Variants in DEPDC5 observed in about 807,000 individuals in gnomAD.
DEPDC5 encodes GATOR1 complex protein DEPDC5.
Under a neutral mutation model 217.3 loss-of-function variants are expected in DEPDC5, and 73 were observed. The observed-to-expected ratio is 0.34, with a 90% confidence interval of 0.28 to 0.41. The LOEUF is 0.41. Ranked by LOEUF, DEPDC5 falls within the 10% of genes least tolerant of loss-of-function variation. DEPDC5 has a pLI of 1.00. For missense variants in DEPDC5, 1,675 were observed against 2,070.1 expected (o/e 0.81, Z 3.70); for synonymous variants, 733 against 756.7 (o/e 0.97, Z 0.51).
chr22:31,842,381 G>A (rs977902621), intron 27 of DEPDC5, among the ~76,000 whole-genome samples: 2 of 152,122 alleles, frequency 1.3e-5, no homozygotes, highest in African/African-American at 4.8e-5. Context: ...TTCAAGACCA[G>A]CCTGACCAAC....
chr22:31,876,265 G>A lies in DEPDC5; in HGVS notation c.3805G>A (p.Val1269Met). ...AGTAACGGACAAAGAGCCCGACCGA[G>A]GTTAGAGCCGAGGCGAATGCGGTTG... ...KIVTDKEPDR[V>M]AMQQPATTWH... The change falls in exon 37 of 43, where the codon GTG becomes ATG. Residue 1269 changes from valine to methionine, a missense_variant and splice_region_variant. This residue lies in a region of DEPDC5 where 194 missense variants were observed against 199.3 expected (regional missense o/e 0.97). Coordinates refer to ENST00000651528, the MANE Select transcript of DEPDC5 (RefSeq NM_001242896.3). 6.2e-7 allele frequency: 1 copy of A among 1,613,012 alleles called. No individual in the cohort carries two copies. The highest frequency in any genetic ancestry group is 8.5e-7 in the Non-Finnish European group (1 of 1,179,846).
At chr22:31,759,049 C>T (rs1373676076) in intron 3 of DEPDC5, among the ~76,000 whole-genome samples, 22 of 151,970 alleles carry the variant, frequency 1.4e-4, no homozygotes, top group Admixed American at 1.4e-3. Context: ...ATTACAGGCT[C>T]AGCCTCCCGA....
rs372461930 is a variant in DEPDC5 at position 31,802,793 on chromosome 22, G to C, written c.1036G>C (p.Asp346His). 4 of 1,607,142 alleles carry C rather than the reference G, an allele frequency of 2.5e-6. No individual in the cohort carries two copies. The highest frequency in any genetic ancestry group is 3.4e-6 in the Non-Finnish European group (4 of 1,177,210). Residue 346 changes from aspartate to histidine, a missense_variant, in exon 15 of 43, where the codon GAC (aspartate) becomes CAC (histidine). Asp to His is a moderately conservative substitution (Grantham distance 81). Around this residue, in one of 11 missense-constraint regions of DEPDC5, gnomAD observed 628 missense variants for 762.1 expected, o/e 0.82. Transcript: ENST00000651528. The stretch of plus-strand genomic sequence containing the variant: ...GCCCGGGGTGGGTGTCTTTGAAGTG[G>C]ACCGCCTACTCATGATCCTGACCAA... ...ITPGVGVFEV[D>H]RLLMILTKQR...
chr22:31,809,573 G>A lies in DEPDC5; in HGVS notation c.1288-38G>A, dbSNP rs116623554. On this transcript the variant is annotated intron_variant, in intron 18 of 42. Transcript: ENST00000651528. Reference sequence around the variant, plus strand: ...GCCTTGTGATAAGTTCTTTTCTAGCGAAGGAAGGAGTGATTAATTATCTAT... The same window carrying A: ...GCCTTGTGATAAGTTCTTTTCTAGCAAAGGAAGGAGTGATTAATTATCTAT... The A allele has an allele frequency of 2.8e-3, 4,575 of 1,611,868 alleles. 116 individuals carry two copies. The African/African-American group carries it at 0.054, about 19-fold the overall frequency.
intron 39 of DEPDC5, 72 bp from the exon 40 acceptor site, chr22:31,897,410 T>C (rs1184035732): frequency 3.3e-6 from 5 of 1,532,944 alleles, no homozygotes; most frequent in Non-Finnish European, 4.4e-6. Flanking sequence ...GCGGGTTTTC[T>C]CCTTGGGAAG....
intron 4 of DEPDC5, among the ~76,000 whole-genome samples, chr22:31,763,646 C>T (rs1334699079): frequency 1.3e-5 from 2 of 151,532 alleles, no homozygotes; most frequent in East Asian, 3.9e-4. Context: ...TTTGCTCAGG[C>T]TGGTCTTGAA....
chr22:31,859,623 C>T (rs1053352811), intron 32 of DEPDC5, among the ~76,000 whole-genome samples: 4 of 150,850 alleles, frequency 2.7e-5, no homozygotes, highest in Non-Finnish European at 4.4e-5. Flanking sequence ...AAACTCCTGA[C>T]CTCAAGTGAT....
chr22:31,876,080 T>A, intron 36 of DEPDC5, 77 bp from the exon 37 acceptor site: 1 of 1,320,312 alleles, frequency 7.6e-7, no homozygotes, highest in Non-Finnish European at 1.1e-6. Context: ...CACTCCCTTG[T>A]CTCCAGAGCA....
intron 31 of DEPDC5, among the ~76,000 whole-genome samples, chr22:31,854,696 TG>T (rs2092199339): frequency 6.6e-6 from 1 of 152,150 alleles, no homozygotes; most frequent in African/African-American, 2.4e-5. Flanking sequence ...GGAAGAATAG[TG>T]GCCCAAAATT....
intron 7 of DEPDC5, among the ~76,000 whole-genome samples, chr22:31,770,318 A>G (rs1219845900): frequency 6.6e-6 from 1 of 151,744 alleles, no homozygotes; most frequent in Non-Finnish European, 1.5e-5. Flanking sequence ...TCCTCTCCCC[A>G]GAAACAACTT....
chr22:31,838,957 G>C, intron 27 of DEPDC5, 112 bp downstream of exon 27: 3 of 1,204,126 alleles, frequency 2.5e-6, no homozygotes, highest in Non-Finnish European at 3.4e-6. Flanking sequence ...TTTCGACATA[G>C]AAGTTTTCTT....
At chr22:31,825,088 G>A (rs1441510186) in intron 24 of DEPDC5, among the ~76,000 whole-genome samples, 1 of 152,128 alleles carries the variant, frequency 6.6e-6, no homozygotes, top group African/African-American at 2.4e-5. Context: ...GGCTGTTTGG[G>A]GTAGAGTTGC....
chr22:31,845,369 A>C, intron 30 of DEPDC5, 132 bp downstream of exon 30: 2 of 1,224,260 alleles, frequency 1.6e-6, no homozygotes, highest in Non-Finnish European at 2.3e-6. Context: ...TTAAATCCAA[A>C]ACAGTGTTTT....
At chr22:31,780,200 T>C (rs1237998588) in intron 8 of DEPDC5, among the ~76,000 whole-genome samples, 1 of 152,080 alleles carries the variant, frequency 6.6e-6, no homozygotes, top group East Asian at 1.9e-4. Context: ...TGGTGTGGAC[T>C]AAGGTGAGAG....
chr22:31,842,957 C>G, intron 27 of DEPDC5, 138 bp from the exon 28 acceptor site: 1 of 672,780 alleles, frequency 1.5e-6, no homozygotes, highest in Non-Finnish European at 2.4e-6. Context: ...TTTTTTTAAC[C>G]AAGAATAACT....
intron 2 of DEPDC5, among the ~76,000 whole-genome samples, chr22:31,757,883 G>T (rs1021498411): frequency 6.6e-6 from 1 of 151,862 alleles, no homozygotes; most frequent in Admixed American, 6.6e-5. Flanking sequence ...CCTGCCTCAG[G>T]CTCCCAAGTA....
chr22:31,843,626 C>G lies in DEPDC5; in HGVS notation c.2634-19C>G, dbSNP rs1262542687. ...TCTCTAACTCTTTTGAATTTGGGGACCTGCCCTTTATTTTGCAGGTATCCT... is the reference window on the plus strand; with the variant it reads ...TCTCTAACTCTTTTGAATTTGGGGAGCTGCCCTTTATTTTGCAGGTATCCT... On this transcript the variant is annotated intron_variant, in intron 28 of 42. Transcript: ENST00000651528. The G allele has an allele frequency of 6.3e-7, 1 of 1,584,212 alleles. No individual in the cohort carries two copies. The highest frequency in any genetic ancestry group is 1.7e-5 in the Admixed American group (1 of 59,166).
At chr22:31,799,656 C>T (rs2086648995) in intron 14 of DEPDC5, among the ~76,000 whole-genome samples, 1 of 150,560 alleles carries the variant, frequency 6.6e-6, no homozygotes, top group Admixed American at 6.7e-5. Flanking sequence ...TGTGCACCAC[C>T]ATGCCCGGCT....
intron 33 of DEPDC5, among the ~76,000 whole-genome samples, chr22:31,862,971 C>T (rs1005514340): frequency 2.6e-5 from 4 of 152,036 alleles, no homozygotes; most frequent in African/African-American, 7.2e-5. Context: ...CCAGCCTCAG[C>T]GTCCCAAGTA....
Sources: allele counts gnomAD v4.1 joint callset (sites outside exome capture counted in the v4.1 genomes callset), GRCh38; gene constraint gnomAD v4.1.1; regional missense constraint gnomAD v4.1.1; transcripts MANE v1.5; gene names NCBI Gene and HGNC (gene_info 2026-07-23, HGNC 2026-07-21).